The following WDPCP variants were observed in gnomAD, a reference collection of about 807,000 sequenced individuals.
The protein encoded by WDPCP is WD repeat-containing and planar cell polarity effector protein fritz homolog.
A neutral mutation model predicts 93.1 loss-of-function variants in WDPCP; 71 were observed. That is an observed-to-expected ratio of 0.76 (90% confidence interval 0.63 to 0.93). The LOEUF is 0.93. Ranked by LOEUF, WDPCP falls within the 40% of genes least tolerant of loss-of-function variation. The pLI is 0.00. For missense variants in WDPCP, 844 were observed against 887.4 expected (o/e 0.95, Z 0.62); for synonymous variants, 315 against 315.0 (o/e 1.00, Z 0.00).
chr2:63,575,429 T>TATACACA (rs1434476225), intron 1 of WDPCP, among the ~76,000 whole-genome samples: 1 of 1,802 alleles, frequency 5.5e-4, no homozygotes, highest in East Asian at 0.02. Flanking sequence ...CTGTATACAG[T>TATACACA]GTATATACAG....
chr2:63,534,972 A>G (rs1361006525), intron 1 of WDPCP, among the ~76,000 whole-genome samples: 2 of 152,360 alleles, frequency 1.3e-5, no homozygotes, highest in East Asian at 1.9e-4. Flanking sequence ...CCCTCGTCTC[A>G]GCCCAAAATC....
chr2:63,713,653 G>A (rs11893776), intron 2 of WDPCP, among the ~76,000 whole-genome samples: 10,846 of 152,232 alleles, frequency 0.071, 525 homozygotes, highest in African/African-American at 0.14. Flanking sequence ...GCTAACTTTA[G>A]TCAAACACTC....
At chr2:63,368,728 G>C (rs1691139632) in intron 12 of WDPCP, 1 of 151,958 alleles carries the variant, frequency 6.6e-6, no homozygotes, top group Admixed American at 6.6e-5. Context: ...GTTCTGTTAA[G>C]TTTAAATATG....
chr2:63,336,914 A>G (rs1473206287), intron 12 of WDPCP, among the ~76,000 whole-genome samples: 2 of 13,516 alleles, frequency 1.5e-4, no homozygotes, highest in African/African-American at 1.4e-3. Context: ...TTTTTTTTTG[A>G]GACAGAGTCT....
intron 1 of WDPCP, among the ~76,000 whole-genome samples, chr2:63,524,200 A>G (rs1019420044): frequency 2.0e-5 from 3 of 152,232 alleles, no homozygotes; most frequent in Non-Finnish European, 4.4e-5. Flanking sequence ...CAATGTTCAG[A>G]TTCAGTGCTA....
At chr2:63,548,360 A>C (rs891153218) in intron 1 of WDPCP, among the ~76,000 whole-genome samples, 3 of 152,178 alleles carry the variant, frequency 2.0e-5, no homozygotes, top group African/African-American at 7.2e-5. Context: ...ACCATGAAAA[A>C]ACAATTTAGA....
rs772046011 is a variant in WDPCP at position 63,594,585 on chromosome 2, A to C, written n.488+56074T>G. ...AATGGATCTGTCTTTGGTAAAGATCAGGTAGGAACAGGTGTCTATAAATCT... is the reference window on the plus strand; with the variant it reads ...AATGGATCTGTCTTTGGTAAAGATCCGGTAGGAACAGGTGTCTATAAATCT... On this transcript the variant is annotated intron_variant and non_coding_transcript_variant, in intron 3 of 4. Transcript: ENST00000467687. 3 of 1,589,646 alleles carry C rather than the reference A, an allele frequency of 1.9e-6. No homozygotes were observed. The Admixed American group carries it at 5.0e-5, about 27-fold the overall frequency.
intron 12 of WDPCP, among the ~76,000 whole-genome samples, chr2:63,363,679 T>C (rs1251284214): frequency 6.6e-6 from 1 of 152,120 alleles, no homozygotes. Flanking sequence ...AAATACGTAT[T>C]TCCTGACCAT....
intron 2 of WDPCP, among the ~76,000 whole-genome samples, chr2:63,691,751 A>G (rs1480948823): frequency 1.3e-5 from 2 of 152,212 alleles, no homozygotes; most frequent in Non-Finnish European, 2.9e-5. Flanking sequence ...AATGCCAATT[A>G]TAAGTGATAA....
intron 13 of WDPCP, among the ~76,000 whole-genome samples, chr2:63,306,454 C>G (rs1379376367): frequency 6.6e-6 from 1 of 152,156 alleles, no homozygotes; most frequent in African/African-American, 2.4e-5. Context: ...AAATTTCAGC[C>G]CAATATCCCT....
chr2:63,706,952 C>T (rs564652581), intron 2 of WDPCP, among the ~76,000 whole-genome samples: 1 of 151,972 alleles, frequency 6.6e-6, no homozygotes, highest in Non-Finnish European at 1.5e-5. Flanking sequence ...TGAATATTGG[C>T]CCCCCACTCT....
intron 2 of WDPCP, among the ~76,000 whole-genome samples, chr2:63,797,733 T>C (rs1438989420): frequency 1.3e-5 from 2 of 150,952 alleles, no homozygotes; most frequent in Admixed American, 6.6e-5. Flanking sequence ...CTTGAAGAAA[T>C]AGAGAGAGAG....
chr2:63,771,863 A>G (rs181925583), intron 2 of WDPCP, among the ~76,000 whole-genome samples: 5 of 152,098 alleles, frequency 3.3e-5, no homozygotes, highest in Admixed American at 2.6e-4. Flanking sequence ...TGTTGCTACA[A>G]AGGACTTACT....
intron 9 of WDPCP, among the ~76,000 whole-genome samples, chr2:63,405,581 G>GTGTGTGTGTGTGTGTC (rs1415564153): frequency 9.5e-5 from 13 of 136,374 alleles, no homozygotes; most frequent in African/African-American, 2.7e-4. Context: ...GTGTGTGTGT[G>GTGTGTGTGTGTGTGTC]TGTGTTGGCG....
At chr2:63,588,887 C>A (rs1709072643), upstream of WDPCP, 6 of 919,752 alleles carry the variant, frequency 6.5e-6, no homozygotes, top group South Asian at 5.6e-5. Flanking sequence ...ACAACCAGGG[C>A]AGCGTAAACT....
At chr2:63,680,761 T>A (rs564495288) in intron 2 of WDPCP, among the ~76,000 whole-genome samples, 1 of 152,182 alleles carries the variant, frequency 6.6e-6, no homozygotes, top group East Asian at 1.9e-4. Flanking sequence ...GCAGCAAAGC[T>A]CACAGCAACA....
At chr2:63,711,363 G>A (rs1267922639) in intron 2 of WDPCP, 2 of 152,184 alleles carry the variant, frequency 1.3e-5, no homozygotes, top group Non-Finnish European at 2.9e-5. Flanking sequence ...TCCAGCAAGT[G>A]GGTTCATAGG....
chr2:63,751,896 A>G, intron 2 of WDPCP: 1 of 687,324 alleles, frequency 1.5e-6, no homozygotes, highest in Admixed American at 1.8e-5. Context: ...AATTGCTTCC[A>G]TCACCAAATC....
chr2:63,162,154 T>C (rs1461464298), intron 15 of WDPCP, among the ~76,000 whole-genome samples: 1 of 152,170 alleles, frequency 6.6e-6, no homozygotes, highest in African/African-American at 2.4e-5. Flanking sequence ...CTGACCAAAT[T>C]GTCTTACAGT....
Sources: allele counts gnomAD v4.1 joint callset (sites outside exome capture counted in the v4.1 genomes callset), GRCh38; gene constraint gnomAD v4.1.1; transcripts MANE v1.5; gene names NCBI Gene and HGNC (gene_info 2026-07-23, HGNC 2026-07-21).